The following GALNTL6 variants were observed in gnomAD, a reference collection of about 807,000 sequenced individuals.
GALNTL6 encodes the protein polypeptide N-acetylgalactosaminyltransferase-like 6.
Under a neutral mutation model 73.7 loss-of-function variants are expected in GALNTL6, and 46 were observed. The observed-to-expected ratio is 0.62, with a 90% CI of 0.49 to 0.80. GALNTL6 has a LOEUF of 0.80. GALNTL6 is among the 30% of genes least tolerant of loss of function. The pLI, the probability that GALNTL6 is intolerant of heterozygous loss-of-function variation, is 0.00. For missense variants in GALNTL6, 604 were observed against 755.0 expected (o/e 0.80, Z 2.34); for synonymous variants, 259 against 263.7 (o/e 0.98, Z 0.17).
intron 5 of GALNTL6, among the ~76,000 whole-genome samples, chr4:172,446,146 A>G (rs539452579): frequency 6.6e-6 from 1 of 152,314 alleles, no homozygotes; most frequent in Non-Finnish European, 1.5e-5. Context: ...ATTATTTGAT[A>G]TACATAATCT....
intron 5 of GALNTL6, among the ~76,000 whole-genome samples, chr4:172,392,137 C>T (rs769887315): frequency 7.2e-5 from 11 of 151,988 alleles, no homozygotes; most frequent in Middle Eastern, 3.4e-3. Context: ...TACAGGTGTA[C>T]GCCACCACAC....
chr4:173,011,665 T>C (rs543148894), intron 11 of GALNTL6, among the ~76,000 whole-genome samples: 8 of 152,328 alleles, frequency 5.3e-5, no homozygotes, highest in African/African-American at 1.9e-4. Flanking sequence ...CTTGGTACCT[T>C]TGTCAAAAAT....
At chr4:172,165,342 T>C (rs954919067) in intron 2 of GALNTL6, among the ~76,000 whole-genome samples, 1 of 152,164 alleles carries the variant, frequency 6.6e-6, no homozygotes, top group Non-Finnish European at 1.5e-5. Flanking sequence ...AGAAAGTTAA[T>C]TGTCCGTTGC....
At chr4:173,031,284 A>G (rs1044177807) in intron 12 of GALNTL6, among the ~76,000 whole-genome samples, 1 of 152,242 alleles carries the variant, frequency 6.6e-6, no homozygotes, top group Non-Finnish European at 1.5e-5. Flanking sequence ...AGCCGCTACT[A>G]TACCATGCAT....
chr4:172,336,265 G>GTTTTTTT (rs1453823455), intron 4 of GALNTL6, among the ~76,000 whole-genome samples: 1 of 25,694 alleles, frequency 3.9e-5, no homozygotes, highest in African/African-American at 9.6e-5. Context: ...TCTTGGTATA[G>GTTTTTTT]TTTTGTTTTG....
At chr4:172,753,629 G>A (rs867864565) in intron 5 of GALNTL6, among the ~76,000 whole-genome samples, 1 of 152,224 alleles carries the variant, frequency 6.6e-6, no homozygotes, top group African/African-American at 2.4e-5. Flanking sequence ...AAAAAAAAAT[G>A]TGCTGTCACT....
intron 2 of GALNTL6, among the ~76,000 whole-genome samples, chr4:171,952,529 A>T (rs1226448495): frequency 6.6e-6 from 1 of 152,090 alleles, no homozygotes; most frequent in Non-Finnish European, 1.5e-5. Flanking sequence ...ATGACTTATT[A>T]TCAAGTTCAA....
rs375936888 is a variant in GALNTL6 at position 171,901,316 on chromosome 4, C to T, written c.138+86598C>T. ...AAATGATTGAACCATTTTCCATATG[C>T]GGTAGCTGGGCATTAGAAGCCCCCA... On this transcript the variant is annotated intron_variant, in intron 2 of 12. Transcript: ENST00000506823. Among the ~76,000 whole-genome samples, 19 of 152,216 alleles carry T rather than the reference C, an allele frequency of 1.2e-4. No homozygotes were observed. The South Asian group carries it at 2.3e-3, about 18-fold the overall frequency.
intron 5 of GALNTL6, chr4:172,545,892 G>T (rs1194830110): frequency 6.6e-6 from 1 of 152,136 alleles, no homozygotes; most frequent in Non-Finnish European, 1.5e-5. Context: ...CTAGGCAAAA[G>T]AATGAGACAA....
At chr4:172,300,185 A>C (rs938595384) in intron 3 of GALNTL6, among the ~76,000 whole-genome samples, 3 of 152,064 alleles carry the variant, frequency 2.0e-5, no homozygotes, top group African/African-American at 7.2e-5. Flanking sequence ...AGAGACTAGG[A>C]TTGCAAACCC....
intron 2 of GALNTL6, among the ~76,000 whole-genome samples, chr4:171,962,501 A>G (rs1324182603): frequency 1.3e-5 from 2 of 152,142 alleles, no homozygotes; most frequent in African/African-American, 4.8e-5. Flanking sequence ...ATGCTAAAAG[A>G]CACTCCTACC....
intron 5 of GALNTL6, among the ~76,000 whole-genome samples, chr4:172,611,158 T>TG (rs1234682036): frequency 2.0e-5 from 3 of 152,052 alleles, no homozygotes; most frequent in Non-Finnish European, 4.4e-5. Flanking sequence ...GCCTATTAAG[T>TG]GGGGCATTTA....
chr4:172,596,776 A>C (rs1413140929), intron 5 of GALNTL6, among the ~76,000 whole-genome samples: 1 of 152,210 alleles, frequency 6.6e-6, no homozygotes, highest in Non-Finnish European at 1.5e-5. Context: ...ATACACATAT[A>C]TACATGTATA....
intron 2 of GALNTL6, among the ~76,000 whole-genome samples, chr4:171,904,502 C>T (rs1737210795): frequency 6.6e-6 from 1 of 152,126 alleles, no homozygotes; most frequent in Non-Finnish European, 1.5e-5. Context: ...TGTGAAAAGA[C>T]CAAATCTGCG....
chr4:172,278,964 G>T (rs1421148919), intron 3 of GALNTL6, among the ~76,000 whole-genome samples: 1 of 152,086 alleles, frequency 6.6e-6, no homozygotes, highest in South Asian at 2.1e-4. Flanking sequence ...TATTCAGTGG[G>T]GAAAAGGACA....
intron 7 of GALNTL6, among the ~76,000 whole-genome samples, chr4:172,834,290 C>T (rs1374928107): frequency 1.3e-5 from 2 of 152,150 alleles, no homozygotes; most frequent in Non-Finnish European, 2.9e-5. Flanking sequence ...CCATGAGAGC[C>T]CCACATGGCC....
chr4:173,000,722 G>A (rs1752009234), intron 10 of GALNTL6, among the ~76,000 whole-genome samples: 1 of 152,128 alleles, frequency 6.6e-6, no homozygotes, highest in Non-Finnish European at 1.5e-5. Context: ...TAGACCAAGG[G>A]AATCCAATAG....
chr4:172,134,488 G>T (rs1161667870), intron 2 of GALNTL6, among the ~76,000 whole-genome samples: 2 of 152,056 alleles, frequency 1.3e-5, no homozygotes, highest in Non-Finnish European at 2.9e-5. Context: ...AAGAAAAATA[G>T]GAATGTAGAA....
At chr4:172,458,999 A>C (rs539576759) in intron 5 of GALNTL6, among the ~76,000 whole-genome samples, 12 of 152,346 alleles carry the variant, frequency 7.9e-5, no homozygotes, top group African/African-American at 2.9e-4. Context: ...GCAGCACATC[A>C]AAAAGCTTAT....
Sources: gnomAD v4.1 joint callset for allele counts (sites outside exome capture counted in the v4.1 genomes callset) on GRCh38, gnomAD v4.1.1 for gene constraint, MANE v1.5 for transcripts, NCBI Gene and HGNC (gene_info 2026-07-23, HGNC 2026-07-21) for gene names.